ARHGEF28: variants seen among roughly 807,000 people sequenced by gnomAD.
ARHGEF28 encodes Rho guanine nucleotide exchange factor 28.
ARHGEF28 carries 152 observed loss-of-function variants against 206.6 expected under a neutral mutation model. That is an observed-to-expected ratio of 0.74 (90% confidence interval 0.64 to 0.84). ARHGEF28 has a LOEUF of 0.84. Among genes scored for constraint, ARHGEF28 ranks in the 40% least tolerant of loss-of-function variants. The probability of loss-of-function intolerance (pLI) is 0.00; values close to 1 mark genes in which losing one functional copy is unlikely to be tolerated. For missense variants in ARHGEF28, 2,028 were observed against 2,073.2 expected (o/e 0.98, Z 0.42); for synonymous variants, 763 against 776.4 (o/e 0.98, Z 0.29).
chr5:73,873,463 A>G (rs1183685224), intron 22 of ARHGEF28, among the ~76,000 whole-genome samples: 1 of 152,170 alleles, frequency 6.6e-6, no homozygotes, highest in East Asian at 1.9e-4. Flanking sequence ...ACAGTGCATG[A>G]TATTATAAAT....
chr5:73,836,740 A>G (rs113881135), intron 10 of ARHGEF28, among the ~76,000 whole-genome samples: 4,341 of 152,226 alleles, frequency 0.029, 95 homozygotes, highest in Non-Finnish European at 0.038. Context: ...TGCCAAGACC[A>G]ATGTCAAGGA....
At chr5:73,867,785 T>C in intron 18 of ARHGEF28, 91 bp from the exon 19 acceptor site, 1 of 1,534,236 alleles carries the variant, frequency 6.5e-7, no homozygotes, top group South Asian at 1.2e-5. Flanking sequence ...AAGTAGTCAT[T>C]GCAGGGTTTA....
chr5:73,815,707 G>A lies in ARHGEF28; in HGVS notation c.1025-16631G>A, dbSNP rs115227435. 4.8e-3 allele frequency among the ~76,000 whole-genome samples: 734 copies of A among 152,316 alleles called. 5 individuals are homozygous for A. Among genetic ancestry groups the A allele is most frequent in the African/African-American group, 0.016 (672 of 41,572 alleles). On this transcript the variant is annotated intron_variant, in intron 9 of 35. Transcript: ENST00000513042. Reference sequence around the variant, plus strand: ...ACTTTGAGAATCCATTGGAGTTGTAGGGAATGCATTTATCATGCTCTCCTT... The same window carrying A: ...ACTTTGAGAATCCATTGGAGTTGTAAGGAATGCATTTATCATGCTCTCCTT...
rs1163854911 is a variant in ARHGEF28, at chr5:73,740,006, CA to C, written c.34-9815del. Among the ~76,000 whole-genome samples the C allele has an allele frequency of 5.3e-3, 665 of 124,520 alleles. 3 individuals carry two copies. Among genetic ancestry groups the C allele is most frequent in the South Asian group, 0.031 (116 of 3,730 alleles). The allele number at this position is 124,520 out of a possible 152,430, so 81.7% of individuals were successfully genotyped here. ...CAACATAGTGAGACTTTGTCTCTACCAAAAAAAAAAAAAAAATTTAGCTAGG... is the reference window on the plus strand; with the variant it reads ...CAACATAGTGAGACTTTGTCTCTACCAAAAAAAAAAAAAAATTTAGCTAGG... On this transcript the variant is annotated intron_variant, in intron 2 of 35. Coordinates refer to ENST00000513042, the MANE Select transcript of ARHGEF28 (RefSeq NM_001177693.2).
In ARHGEF28 at chr5:73,845,308, G is replaced by A. The variant is rs190047895; in HGVS notation, c.1428-960G>A. ...TGGGATTACAGGCGTGAGCCACTGCGCCCAGCCTCAGAATCATCTTTTTTT... is the reference window on the plus strand; with the variant it reads ...TGGGATTACAGGCGTGAGCCACTGCACCCAGCCTCAGAATCATCTTTTTTT... On this transcript the variant is annotated intron_variant, in intron 11 of 35. Transcript: ENST00000513042. Among the ~76,000 whole-genome samples the A allele has an allele frequency of 9.2e-5, 14 of 152,190 alleles. No individual in the cohort carries two copies. The East Asian group carries it at 9.7e-4, about 11-fold the overall frequency.
At chr5:73,654,669 A>C (rs572957877) in intron 1 of ARHGEF28, among the ~76,000 whole-genome samples, 6 of 152,348 alleles carry the variant, frequency 3.9e-5, no homozygotes, top group Non-Finnish European at 5.9e-5. Context: ...TCAGGTGAAC[A>C]CAGTGGCATA....
chr5:73,886,298 C>T (rs1420757180), intron 25 of ARHGEF28, among the ~76,000 whole-genome samples, 194 bp downstream of exon 25: 6 of 152,160 alleles, frequency 3.9e-5, no homozygotes, highest in Admixed American at 6.5e-5. Context: ...GAGTTTGCTG[C>T]CCAAGCTAAA....
intron 2 of ARHGEF28, among the ~76,000 whole-genome samples, chr5:73,736,348 G>A (rs527243185): frequency 6.6e-6 from 1 of 152,282 alleles, no homozygotes; most frequent in South Asian, 2.1e-4. Context: ...AGTTAAGAAG[G>A]AAGCATGGGT....
At chr5:73,844,671 G>C (rs1417252418) in intron 11 of ARHGEF28, among the ~76,000 whole-genome samples, 3 of 131,108 alleles carry the variant, frequency 2.3e-5, no homozygotes, top group African/African-American at 8.6e-5. Context: ...ACCTAAACAG[G>C]TTAATTCAAA....
intron 4 of ARHGEF28, among the ~76,000 whole-genome samples, chr5:73,758,057 C>T (rs534909117): frequency 2.0e-5 from 3 of 152,142 alleles, no homozygotes; most frequent in Non-Finnish European, 2.9e-5. Context: ...CTACCTCCCT[C>T]CACTTGTGTT....
intron 2 of ARHGEF28, among the ~76,000 whole-genome samples, chr5:73,746,750 C>T (rs1751741329): frequency 6.6e-6 from 1 of 152,048 alleles, no homozygotes; most frequent in South Asian, 2.1e-4. Flanking sequence ...TGAAATGCCA[C>T]CTATTATAAC....
At chr5:73,859,823 A>G (rs1579998435) in intron 16 of ARHGEF28, among the ~76,000 whole-genome samples, 1 of 152,038 alleles carries the variant, frequency 6.6e-6, no homozygotes, top group East Asian at 1.9e-4. Context: ...ATCCCTGGCC[A>G]CACCCAAGAC....
chr5:73,628,583 A>G (rs937999737), intron 1 of ARHGEF28, among the ~76,000 whole-genome samples: 1 of 152,200 alleles, frequency 6.6e-6, no homozygotes, highest in African/African-American at 2.4e-5. Flanking sequence ...AGTGAAGCAG[A>G]GTAGCTCTGG....
Position 73,874,837 on chromosome 5 carries a change from G to C in ARHGEF28, c.2814+1591G>C, listed in dbSNP as rs1313036418. Among the ~76,000 whole-genome samples the C allele has an allele frequency of 1.6e-3, 240 of 147,192 alleles. 1 individual carries two copies. Among genetic ancestry groups the C allele is most frequent in the African/African-American group, 5.7e-3 (225 of 39,514 alleles). ...CTATCATCGTTGGACATTTGGGTTG[G>C]TTCCAAGTCTTTGGTATTGTGAATA... On this transcript the variant is annotated intron_variant, in intron 22 of 35. Coordinates refer to ENST00000513042, the MANE Select transcript of ARHGEF28 (RefSeq NM_001177693.2).
intron 31 of ARHGEF28, 88 bp downstream of exon 31, chr5:73,901,372 G>A: frequency 9.5e-7 from 1 of 1,047,318 alleles, no homozygotes; most frequent in South Asian, 1.4e-5. Flanking sequence ...GGCAGTCAGT[G>A]GGGCAAAGGT....
intron 2 of ARHGEF28, among the ~76,000 whole-genome samples, chr5:73,741,385 G>GTGTATGTA (rs1561371055): frequency 4.6e-5 from 1 of 21,862 alleles, no homozygotes; most frequent in African/African-American, 2.5e-4. Flanking sequence ...GTGTGTGTGT[G>GTGTATGTA]TATATATATA....
chr5:73,801,716 CT>C (rs1321967782), intron 9 of ARHGEF28, among the ~76,000 whole-genome samples: 3 of 152,020 alleles, frequency 2.0e-5, no homozygotes, highest in South Asian at 2.1e-4. Flanking sequence ...GTAGTCCTTT[CT>C]TTTTTTCTTT....
In ARHGEF28 at chr5:73,857,716, T is replaced by C. The variant is rs1759137945; in HGVS notation, c.1851T>C (p.Tyr617=). The C allele has an allele frequency of 1.2e-6, 2 of 1,611,626 alleles. No individual in the cohort carries two copies. Among genetic ancestry groups the C allele is most frequent in the Admixed American group, 3.3e-5 (2 of 59,812 alleles). ...IIPAKSESEK[Y]KVSRTFSFLM... is the part of the protein sequence containing the mutation. Reference sequence around the variant, plus strand: ...CTGCCAAATCAGAGTCTGAAAAATATAAAGTGAGTCGAACTTTCAGTTTCC... The same window carrying C: ...CTGCCAAATCAGAGTCTGAAAAATACAAAGTGAGTCGAACTTTCAGTTTCC... Residue 617 remains tyrosine, a synonymous_variant, in exon 15 of 36, where the codon TAT becomes TAC. Coordinates refer to ENST00000513042, the MANE Select transcript of ARHGEF28 (RefSeq NM_001177693.2).
At chr5:73,641,643 C>G (rs896837321) in intron 1 of ARHGEF28, among the ~76,000 whole-genome samples, 1 of 152,002 alleles carries the variant, frequency 6.6e-6, no homozygotes, top group Non-Finnish European at 1.5e-5. Flanking sequence ...GTATTCCTAC[C>G]ACAGAAGACA....
Sources: allele counts gnomAD v4.1 joint callset (sites outside exome capture counted in the v4.1 genomes callset), GRCh38; gene constraint gnomAD v4.1.1; transcripts MANE v1.5; gene names NCBI Gene and HGNC (gene_info 2026-07-23, HGNC 2026-07-21).